Variants in ROBO2 observed in about 807,000 individuals in gnomAD.
ROBO2 encodes roundabout homolog 2.
A neutral mutation model predicts 160.8 loss-of-function variants in ROBO2; 53 were observed. That is an observed-to-expected ratio of 0.33 (90% confidence interval 0.26 to 0.41). The LOEUF is 0.41. Ranked by LOEUF, ROBO2 falls within the 10% of genes least tolerant of loss-of-function variation. The pLI is 1.00. For missense variants in ROBO2, 1,577 were observed against 1,722.4 expected, an observed-to-expected ratio of 0.92 and a Z score of 1.49; for synonymous variants, 664 against 611.7, an observed-to-expected ratio of 1.09 and a Z score of -1.26.
chr3:77,186,788 C>T (rs893835774), intron 2 of ROBO2, among the ~76,000 whole-genome samples: 2 of 151,860 alleles, frequency 1.3e-5, no homozygotes, highest in Admixed American at 6.6e-5. Flanking sequence ...CTATTACCAT[C>T]TTGTTTTTTA....
chr3:76,216,623 A>G (rs1487870658), intron 2 of ROBO2, among the ~76,000 whole-genome samples: 4 of 152,214 alleles, frequency 2.6e-5, no homozygotes, highest in South Asian at 2.1e-4. Context: ...TCCTAAATAT[A>G]TATGCACCCA....
At chr3:76,006,835 A>T (rs1244617711) in intron 2 of ROBO2, among the ~76,000 whole-genome samples, 1 of 152,060 alleles carries the variant, frequency 6.6e-6, no homozygotes, top group Non-Finnish European at 1.5e-5. Context: ...CTGCATCCAA[A>T]CTATATTGGA....
At chr3:76,457,833 C>T (rs1331049617) in intron 2 of ROBO2, among the ~76,000 whole-genome samples, 1 of 152,190 alleles carries the variant, frequency 6.6e-6, no homozygotes, top group Non-Finnish European at 1.5e-5. Context: ...TTGGGGCTTC[C>T]ACTCTCTGAA....
At chr3:76,516,151 A>C (rs1248739511) in intron 2 of ROBO2, among the ~76,000 whole-genome samples, 1 of 152,182 alleles carries the variant, frequency 6.6e-6, no homozygotes, top group African/African-American at 2.4e-5. Context: ...AAAGTGAGAA[A>C]TAGATTTGTT....
At chr3:76,259,582 A>G (rs1047404675) in intron 2 of ROBO2, among the ~76,000 whole-genome samples, 4 of 152,156 alleles carry the variant, frequency 2.6e-5, no homozygotes, top group African/African-American at 4.8e-5. Context: ...AAAGTTAGAG[A>G]TAGTGTTTTC....
intron 6 of ROBO2, among the ~76,000 whole-genome samples, chr3:77,545,598 CA>C (rs2092667975): frequency 6.6e-6 from 1 of 152,036 alleles, no homozygotes; most frequent in African/African-American, 2.4e-5. Context: ...TTGTGTTTTT[CA>C]TTTCCCTTAG....
chr3:76,272,961 TTTA>T (rs796511302), intron 2 of ROBO2, among the ~76,000 whole-genome samples: 1 of 9,250 alleles, frequency 1.1e-4, no homozygotes, highest in Non-Finnish European at 5.4e-4. Flanking sequence ...ATAATATATA[TTTA>T]TATATAAAAT....
At chr3:76,567,712 T>A (rs2084660577) in intron 2 of ROBO2, among the ~76,000 whole-genome samples, 1 of 139,296 alleles carries the variant, frequency 7.2e-6, no homozygotes, top group African/African-American at 2.6e-5. Context: ...TGTATATGTG[T>A]ATATATATAT....
intron 2 of ROBO2, among the ~76,000 whole-genome samples, chr3:76,158,484 G>T (rs1172430841): frequency 2.0e-5 from 3 of 151,708 alleles, no homozygotes; most frequent in Non-Finnish European, 4.4e-5. Context: ...ATGTAATGCT[G>T]CACAGGTACT....
At chr3:77,481,834 T>C (rs1427649620) in intron 4 of ROBO2, among the ~76,000 whole-genome samples, 1 of 152,030 alleles carries the variant, frequency 6.6e-6, no homozygotes, top group Admixed American at 6.6e-5. Flanking sequence ...AACCATATCA[T>C]ATAAATGGTG....
intron 2 of ROBO2, among the ~76,000 whole-genome samples, chr3:76,619,770 T>C (rs1002049179): frequency 6.6e-6 from 1 of 152,190 alleles, no homozygotes; most frequent in African/African-American, 2.4e-5. Context: ...TGTTAAATCA[T>C]TCAGCCGAGG....
At chr3:77,006,313 G>A (rs1287186727) in intron 2 of ROBO2, among the ~76,000 whole-genome samples, 1 of 148,352 alleles carries the variant, frequency 6.7e-6, no homozygotes, top group Non-Finnish European at 1.5e-5. Flanking sequence ...ATTTGTGTGT[G>A]TGTGTGTGTG....
intron 2 of ROBO2, among the ~76,000 whole-genome samples, chr3:76,694,811 A>G (rs1435918987): frequency 6.6e-6 from 1 of 152,166 alleles, no homozygotes; most frequent in East Asian, 1.9e-4. Context: ...CATAATTAGT[A>G]TTATGATACC....
At chr3:77,287,448 A>G (rs2060687984) in intron 2 of ROBO2, among the ~76,000 whole-genome samples, 1 of 152,196 alleles carries the variant, frequency 6.6e-6, no homozygotes, top group South Asian at 2.1e-4. Context: ...TAAAAAGAGC[A>G]AAAGTAAAGC....
At chr3:77,053,832 C>A (rs1267080185) in intron 1 of ROBO2, among the ~76,000 whole-genome samples, 1 of 152,070 alleles carries the variant, frequency 6.6e-6, no homozygotes, top group Non-Finnish European at 1.5e-5. Context: ...GAGAAGCCAG[C>A]AAAGCAATAA....
At chr3:76,321,696 G>A (rs1373444891) in intron 2 of ROBO2, among the ~76,000 whole-genome samples, 1 of 152,150 alleles carries the variant, frequency 6.6e-6, no homozygotes, top group African/African-American at 2.4e-5. Context: ...TTGAGAATTA[G>A]TGGAAAATAA....
chr3:77,501,743 G>A (rs1269550928), intron 5 of ROBO2, among the ~76,000 whole-genome samples: 1 of 151,864 alleles, frequency 6.6e-6, no homozygotes, highest in African/African-American at 2.4e-5. Context: ...TGAAATAGAT[G>A]GACATAAAGA....
intron 2 of ROBO2, among the ~76,000 whole-genome samples, chr3:77,254,194 G>T (rs1321728147): frequency 2.0e-5 from 3 of 152,190 alleles, no homozygotes; most frequent in African/African-American, 7.2e-5. Context: ...GAGCCCAGGA[G>T]CAGTTAGAGG....
upstream of ROBO2, among the ~76,000 whole-genome samples, chr3:77,035,995 T>A (rs2063611520): frequency 6.6e-6 from 1 of 151,960 alleles, no homozygotes; most frequent in Non-Finnish European, 1.5e-5. Flanking sequence ...TTTCTGTATA[T>A]TTTGGTACAC....
Sources: allele counts gnomAD v4.1 joint callset (sites outside exome capture counted in the v4.1 genomes callset), GRCh38; gene constraint gnomAD v4.1.1; transcripts MANE v1.5; gene names NCBI Gene and HGNC (gene_info 2026-07-23, HGNC 2026-07-21).